The following SLC22A3 variants were observed in gnomAD, a reference collection of about 807,000 sequenced individuals.
SLC22A3 encodes solute carrier family 22 member 3, also known as EMT organic cation transporter 3.
SLC22A3 carries 51 observed loss-of-function variants against 59.1 expected under a neutral mutation model. The observed-to-expected ratio is 0.86, with a 90% CI of 0.69 to 1.09. The LOEUF (loss-of-function observed/expected upper bound fraction) is 1.09, where lower values mean the gene tolerates loss of function less well. Among genes scored for constraint, SLC22A3 ranks in the 50% least tolerant of loss-of-function variants. The pLI is 0.00. For missense variants in SLC22A3, 711 were observed against 726.3 expected (o/e 0.98, Z 0.24); for synonymous variants, 325 against 292.0 (o/e 1.11, Z -1.15).
chr6:160,400,984 GAAAA>G lies in SLC22A3; in HGVS notation c.533+2921_533+2924del, dbSNP rs58532600. ...TATCCCAGTAGAAACCTCCAAAACT[GAAAA>G]AAAAAAAAAAAAAAAAAACCCACAC... On this transcript the variant is annotated intron_variant, in intron 2 of 10. Transcript: ENST00000275300. Among the ~76,000 whole-genome samples the G allele has an allele frequency of 9.3e-3, 730 of 78,532 alleles. 8 individuals carry two copies. The highest frequency in any genetic ancestry group is 0.069 in the East Asian group (206 of 3,002). 51.5% of individuals were successfully genotyped at this position (78,532 alleles called of 152,430 possible).
chr6:160,367,425 A>G (rs1193700365), intron 1 of SLC22A3, among the ~76,000 whole-genome samples: 1 of 152,198 alleles, frequency 6.6e-6, no homozygotes, highest in Non-Finnish European at 1.5e-5. Context: ...TGGACACAGC[A>G]AAACCATATC....
intron 1 of SLC22A3, among the ~76,000 whole-genome samples, chr6:160,393,336 C>T (rs1039318876): frequency 1.3e-5 from 2 of 151,520 alleles, no homozygotes; most frequent in Non-Finnish European, 2.9e-5. Flanking sequence ...ATGTGCACAA[C>T]GTGCAGGTTT....
At chr6:160,429,460 T>C (rs565647620) in intron 5 of SLC22A3, among the ~76,000 whole-genome samples, 2 of 152,168 alleles carry the variant, frequency 1.3e-5, no homozygotes, top group East Asian at 3.9e-4. Flanking sequence ...TGCTGGCAAA[T>C]GTATTTCTCC....
chr6:160,443,448 T>C (rs576146809), intron 8 of SLC22A3, among the ~76,000 whole-genome samples, 182 bp from the exon 9 acceptor site: 1 of 152,360 alleles, frequency 6.6e-6, no homozygotes, highest in Non-Finnish European at 1.5e-5. Flanking sequence ...TCACTAGCCT[T>C]ACTGTGAAAC....
chr6:160,424,809 G>A (rs867557727), intron 5 of SLC22A3, among the ~76,000 whole-genome samples: 4 of 152,208 alleles, frequency 2.6e-5, no homozygotes, highest in Non-Finnish European at 4.4e-5. Context: ...AGATCTTGAG[G>A]AAGACTGAGG....
chr6:160,381,101 A>G (rs964862035), intron 1 of SLC22A3, among the ~76,000 whole-genome samples: 1 of 152,202 alleles, frequency 6.6e-6, no homozygotes, highest in Admixed American at 6.5e-5. Flanking sequence ...TATTCTGTAA[A>G]AGTGGGGAGC....
Position 160,348,624 on chromosome 6 carries a change from G to A in SLC22A3, c.205G>A (p.Glu69Lys). The A allele has an allele frequency of 6.6e-7, 1 of 1,504,222 alleles. No individual in the cohort carries two copies. Among genetic ancestry groups the A allele is most frequent in the Non-Finnish European group, 8.8e-7 (1 of 1,134,266 alleles). 93.2% of individuals were successfully genotyped at this position (1,504,222 alleles called of 1,614,324 possible). Residue 69 changes from glutamate to lysine, a missense_variant, in exon 1 of 11, where the codon GAG becomes AAG. Transcript: ENST00000275300. Reference protein sequence around the residue: ...LAERCGWSPEEEWNRTAPASR... With the variant: ...LAERCGWSPEKEWNRTAPASR... ...CGAGCGCTGCGGCTGGAGCCCGGAG[G>A]AGGAGTGGAACCGCACGGCGCCCGC...
intron 10 of SLC22A3, among the ~76,000 whole-genome samples, chr6:160,449,965 A>G (rs1788887872): frequency 6.6e-6 from 1 of 152,230 alleles, no homozygotes; most frequent in Non-Finnish European, 1.5e-5. Flanking sequence ...ATCACAAGGC[A>G]AAGGGCAAAA....
chr6:160,355,345 G>C (rs1384601099), intron 1 of SLC22A3, among the ~76,000 whole-genome samples: 2 of 152,176 alleles, frequency 1.3e-5, no homozygotes, highest in African/African-American at 2.4e-5. Context: ...CGCCTATAGA[G>C]GCTTTTCCCT....
At chr6:160,393,293 T>TTTA (rs1341553102) in intron 1 of SLC22A3, among the ~76,000 whole-genome samples, 1 of 151,544 alleles carries the variant, frequency 6.6e-6, no homozygotes, top group Non-Finnish European at 1.5e-5. Context: ...TATTTATTTA[T>TTTA]TTATTATTAT....
chr6:160,414,778 T>G (rs1787400915), intron 5 of SLC22A3, among the ~76,000 whole-genome samples: 1 of 152,176 alleles, frequency 6.6e-6, no homozygotes. Context: ...ATGATTCAAT[T>G]ACCTCTCACT....
At chr6:160,407,486 A>G (rs1427285255) in intron 3 of SLC22A3, among the ~76,000 whole-genome samples, 2 of 152,204 alleles carry the variant, frequency 1.3e-5, no homozygotes, top group African/African-American at 4.8e-5. Flanking sequence ...GCTTTGCTTT[A>G]TAAGAAATTA....
intron 1 of SLC22A3, among the ~76,000 whole-genome samples, chr6:160,385,708 G>C (rs1365468595): frequency 6.6e-6 from 1 of 152,168 alleles, no homozygotes; most frequent in Non-Finnish European, 1.5e-5. Flanking sequence ...TAGTGAAGGG[G>C]AACAGAAAAA....
At chr6:160,381,805 C>G (rs1785807667) in intron 1 of SLC22A3, among the ~76,000 whole-genome samples, 1 of 152,112 alleles carries the variant, frequency 6.6e-6, no homozygotes, top group Admixed American at 6.6e-5. Flanking sequence ...ATCAAAGAGA[C>G]TACTATAACT....
chr6:160,361,888 A>G (rs992334279), intron 1 of SLC22A3, among the ~76,000 whole-genome samples: 2 of 152,230 alleles, frequency 1.3e-5, no homozygotes, highest in African/African-American at 4.8e-5. Flanking sequence ...ACATGAAGAA[A>G]TGTGTGTGTC....
At chr6:160,367,348 A>G (rs1187212548) in intron 1 of SLC22A3, among the ~76,000 whole-genome samples, 1 of 152,186 alleles carries the variant, frequency 6.6e-6, no homozygotes, top group Non-Finnish European at 1.5e-5. Context: ...AACTGCCCCC[A>G]TGATTCAATT....
intron 5 of SLC22A3, among the ~76,000 whole-genome samples, chr6:160,425,553 TC>T (rs1415994945): frequency 6.6e-6 from 1 of 152,156 alleles, no homozygotes. Flanking sequence ...CTTCTCTCCC[TC>T]CCAATAATAG....
chr6:160,363,353 C>T (rs1785088915), intron 1 of SLC22A3, among the ~76,000 whole-genome samples: 2 of 152,214 alleles, frequency 1.3e-5, no homozygotes, highest in African/African-American at 2.4e-5. Context: ...CCCACGTGAC[C>T]GGCACGCCTG....
chr6:160,384,879 C>T (rs1001787747), intron 1 of SLC22A3, among the ~76,000 whole-genome samples: 1 of 152,180 alleles, frequency 6.6e-6, no homozygotes, highest in East Asian at 1.9e-4. Flanking sequence ...AAGCAGGCTC[C>T]GCACAGTGGG....
Sources: gnomAD v4.1 joint callset for allele counts (sites outside exome capture counted in the v4.1 genomes callset) on GRCh38, gnomAD v4.1.1 for gene constraint, MANE v1.5 for transcripts, NCBI Gene and HGNC (gene_info 2026-07-23, HGNC 2026-07-21) for gene names.